Variants in DPH6 observed in about 807,000 individuals in gnomAD.
DPH6 encodes diphthine--ammonia ligase.
In DPH6, 33 loss-of-function variants were observed where a neutral mutation model predicts 38.2. The ratio of observed to expected loss-of-function variants is 0.86; its 90% CI spans 0.65 to 1.15. The LOEUF (loss-of-function observed/expected upper bound fraction) is 1.15, where lower values mean the gene tolerates loss of function less well. Among genes scored for constraint, DPH6 ranks in the 50% most tolerant of loss-of-function variants. The pLI, the probability that DPH6 is intolerant of heterozygous loss-of-function variation, is 0.00. For missense variants in DPH6, 325 were observed against 320.0 expected (o/e 1.02, Z -0.12); for synonymous variants, 108 against 103.0 (o/e 1.05, Z -0.30).
intron 3 of DPH6, among the ~76,000 whole-genome samples, chr15:35,470,184 G>A (rs1226620915): frequency 1.3e-5 from 2 of 152,092 alleles, no homozygotes; most frequent in East Asian, 3.9e-4. Context: ...GGGTGAGAGA[G>A]CAAGACTGTG....
At chr15:35,172,992 C>A in the DPH6 span, among the ~76,000 whole-genome samples, 1 of 152,136 alleles carries the variant, frequency 6.6e-6, no homozygotes, top group Non-Finnish European at 1.5e-5. Context: ...AAAAAAAATA[C>A]TTTTATATTA....
At chr15:35,364,641 C>T (rs1037574) in intron 3 of DPH6, among the ~76,000 whole-genome samples, 55,208 of 151,826 alleles carry the variant, frequency 0.36, 11,921 homozygotes, top group African/African-American at 0.61. Context: ...TCAATATTTC[C>T]ATTCTAATTG....
chr15:35,149,450 GCTGGTCTTAAACTC>G, the DPH6 span, among the ~76,000 whole-genome samples: 1 of 152,110 alleles, frequency 6.6e-6, no homozygotes, highest in Non-Finnish European at 1.5e-5. Flanking sequence ...TGTTGGCCAG[GCTGGTCTTAAACTC>G]CTGACCTCGT....
Position 35,474,950 on chromosome 15 carries a change from C to T in DPH6, c.313-20130G>A, listed in dbSNP as rs551081204. ...ATAATAAAAAACTTGGATACAATCA[C>T]ATTTGGGATTAAGAAAAAAAGAAAA... On this transcript the variant is annotated intron_variant, in intron 3 of 8. Coordinates refer to ENST00000256538, the MANE Select transcript of DPH6 (RefSeq NM_080650.4). Among the ~76,000 whole-genome samples the T allele has an allele frequency of 6.6e-5, 10 of 151,540 alleles. No individual in the cohort carries two copies. In the South Asian group the frequency reaches 1.9e-3, roughly 29 times the overall value.
chr15:35,461,123 C>T (rs1240395084), intron 3 of DPH6, among the ~76,000 whole-genome samples: 2 of 152,128 alleles, frequency 1.3e-5, no homozygotes, highest in African/African-American at 2.4e-5. Flanking sequence ...CTCGCTCTGT[C>T]GCCCAGGCTG....
chr15:35,311,727 A>T (rs958436178), intron 3 of DPH6, among the ~76,000 whole-genome samples: 6 of 152,230 alleles, frequency 3.9e-5, no homozygotes, highest in Non-Finnish European at 8.8e-5. Context: ...TAAGTTACAA[A>T]GAGGCATATT....
intron 3 of DPH6, among the ~76,000 whole-genome samples, chr15:35,304,120 A>G (rs1435507244): frequency 6.6e-6 from 1 of 152,120 alleles, no homozygotes; most frequent in Non-Finnish European, 1.5e-5. Flanking sequence ...TGATTAAATG[A>G]TATATTTATC....
intron 3 of DPH6, among the ~76,000 whole-genome samples, chr15:35,456,294 TTA>T (rs1223231592): frequency 1.3e-5 from 2 of 151,864 alleles, no homozygotes; most frequent in Admixed American, 6.6e-5. Context: ...TATCAAAATT[TTA>T]GTTATATTCC....
chr15:35,179,026 G>A, the DPH6 span, among the ~76,000 whole-genome samples: 421 of 151,864 alleles, frequency 2.8e-3, 1 homozygote, highest in Non-Finnish European at 4.8e-3. Flanking sequence ...GACCAACATG[G>A]AGAAATCCCA....
At chr15:35,273,374 A>T (rs1337751210) in intron 3 of DPH6, among the ~76,000 whole-genome samples, 1 of 152,090 alleles carries the variant, frequency 6.6e-6, no homozygotes, top group African/African-American at 2.4e-5. Flanking sequence ...GCATCCTCAT[A>T]GCTTAGCTTC....
At chr15:35,193,746 G>A in the DPH6 span, among the ~76,000 whole-genome samples, 32 of 152,258 alleles carry the variant, frequency 2.1e-4, no homozygotes, top group African/African-American at 7.7e-4. Context: ...CCATGTCATG[G>A]ATGATGAAGA....
In DPH6 at chr15:35,492,061, G is replaced by C. The variant is rs117668421; in HGVS notation, c.313-37241C>G. On this transcript the variant is annotated intron_variant, in intron 3 of 8. Coordinates refer to ENST00000256538, the MANE Select transcript of DPH6 (RefSeq NM_080650.4). ...AGAAAGCAAGTGGATTAGTTTGAAG[G>C]CTTAAGAGCCAGAGAGCCAGTGGTG... 1.4e-3 allele frequency among the ~76,000 whole-genome samples: 216 copies of C among 152,160 alleles called. 5 individuals carry two copies. In the East Asian group the frequency reaches 0.033, roughly 23 times the overall value.
At chr15:35,339,088 C>A (rs1240185914) in intron 3 of DPH6, among the ~76,000 whole-genome samples, 1 of 151,894 alleles carries the variant, frequency 6.6e-6, no homozygotes, top group East Asian at 1.9e-4. Context: ...ATGTAAATGA[C>A]GAGTTAATGG....
Position 35,496,567 on chromosome 15 carries a change from A to AAAATATATATAT in DPH6, c.312+41706_312+41707insATATATATATTT. ...GAAAGTTCCATCTCAAAAAAAAAAAAATATATATATATATATATATATATC... is the reference window on the plus strand; with the variant it reads ...GAAAGTTCCATCTCAAAAAAAAAAAAAAATATATATATATATATATATATATATATATATATC... On this transcript the variant is annotated intron_variant, in intron 3 of 8. Transcript: ENST00000256538. 2.9e-3 allele frequency among the ~76,000 whole-genome samples: 91 copies of AAAATATATATAT among 31,002 alleles called. 4 individuals carry two copies. Among genetic ancestry groups the AAAATATATATAT allele is most frequent in the Non-Finnish European group, 3.9e-3 (75 of 19,026 alleles). 20.3% of individuals were successfully genotyped at this position (31,002 alleles called of 152,430 possible).
chr15:35,218,445 A>G (rs1347410804), exon 4 of DPH6: 1 of 152,216 alleles, frequency 6.6e-6, no homozygotes, highest in East Asian at 1.9e-4. Flanking sequence ...CATTATGTTC[A>G]GTCAATATAA....
intron 3 of DPH6, among the ~76,000 whole-genome samples, chr15:35,242,895 A>G (rs318351): frequency 0.71 from 100,359 of 141,148 alleles, 43,702 homozygotes; most frequent in Non-Finnish European, 0.92. Flanking sequence ...CTACTCATAC[A>G]TGCCCTGCTC....
At chr15:35,317,375 GGAAA>G (rs1311269897) in intron 3 of DPH6, among the ~76,000 whole-genome samples, 3 of 134,258 alleles carry the variant, frequency 2.2e-5, no homozygotes, top group Non-Finnish European at 4.8e-5. Context: ...AGAAAGAAAA[GGAAA>G]GAAAAAGAAA....
chr15:35,319,469 G>A (rs979764303), intron 3 of DPH6, among the ~76,000 whole-genome samples: 3 of 152,154 alleles, frequency 2.0e-5, no homozygotes, highest in Non-Finnish European at 4.4e-5. Flanking sequence ...GGCTGAGCGT[G>A]GTGAGTCATG....
At chr15:35,418,905 C>A (rs2053469116) in intron 5 of DPH6, among the ~76,000 whole-genome samples, 1 of 152,036 alleles carries the variant, frequency 6.6e-6, no homozygotes, top group Non-Finnish European at 1.5e-5. Context: ...GTTCTCATCT[C>A]AACCTTTGTA....
Sources: gnomAD v4.1 joint callset for allele counts (sites outside exome capture counted in the v4.1 genomes callset) on GRCh38, gnomAD v4.1.1 for gene constraint, MANE v1.5 for transcripts, NCBI Gene and HGNC (gene_info 2026-07-23, HGNC 2026-07-21) for gene names.